Variants in ACAD11 observed in about 807,000 individuals in gnomAD.
The protein encoded by ACAD11 is acyl-Coenzyme A dehydrogenase family, member 11.
In ACAD11, 83 loss-of-function variants were observed where a neutral mutation model predicts 102.2. The ratio of observed to expected loss-of-function variants is 0.81; its 90% CI spans 0.68 to 0.97. The LOEUF (loss-of-function observed/expected upper bound fraction) is 0.97. Ranked by LOEUF, ACAD11 falls within the 50% of genes least tolerant of loss-of-function variation. ACAD11 has a pLI of 0.00. For synonymous variants in ACAD11, 324 were observed against 319.8 expected (o/e 1.01, Z -0.14); for missense variants, 901 against 951.7 (o/e 0.95, Z 0.70).
At chr3:132,574,953 G>A (rs540767189) in intron 17 of ACAD11, among the ~76,000 whole-genome samples, 2 of 152,210 alleles carry the variant, frequency 1.3e-5, no homozygotes, top group East Asian at 3.9e-4. Flanking sequence ...TCCTGCCTCA[G>A]CCTCCCCAGT....
chr3:132,611,726 G>A (rs2107837447), intron 11 of ACAD11, among the ~76,000 whole-genome samples: 1 of 152,038 alleles, frequency 6.6e-6, no homozygotes, highest in East Asian at 1.9e-4. Flanking sequence ...AATAAAAGAG[G>A]ATACAAAGAA....
chr3:132,601,051 G>A, intron 13 of ACAD11: 1 of 1,613,956 alleles, frequency 6.2e-7, no homozygotes, highest in Non-Finnish European at 8.5e-7. Flanking sequence ...TTATGGGGGT[G>A]TGCTACTTTA....
chr3:132,639,245 C>T (rs903837107), intron 5 of ACAD11, among the ~76,000 whole-genome samples: 1 of 152,054 alleles, frequency 6.6e-6, no homozygotes, highest in Non-Finnish European at 1.5e-5. Flanking sequence ...TGTAAAATTC[C>T]CAAATCCTTT....
rs200371230 is a variant in ACAD11, at chr3:132,658,716, TTTA to T, written c.149+884_149+886del. 9.5e-3 allele frequency among the ~76,000 whole-genome samples: 1,444 copies of T among 152,326 alleles called. 23 individuals are homozygous for T. Among genetic ancestry groups the T allele is most frequent in the African/African-American group, 0.033 (1,361 of 41,560 alleles). ...CTAAAATGTTCCCTGATCCATCTCA[TTTA>T]TTATTATTTTCATTTTCACCAAAAT... On this transcript the variant is annotated intron_variant, in intron 1 of 19. Coordinates refer to ENST00000264990, the MANE Select transcript of ACAD11 (RefSeq NM_032169.5).
rs371085640 is a variant in ACAD11 at position 132,597,366 on chromosome 3, T to C, written c.1621+5863A>G. Reference sequence around the variant, plus strand: ...TTTCTTATTCTGACTTGAATATTTTTTTAAGCCCAAAGATCTTGTATATTT... The same window carrying C: ...TTTCTTATTCTGACTTGAATATTTTCTTAAGCCCAAAGATCTTGTATATTT... On this transcript the variant is annotated intron_variant, in intron 13 of 19. Coordinates refer to ENST00000264990, the MANE Select transcript of ACAD11 (RefSeq NM_032169.5). 3.3e-5 allele frequency: 5 copies of C among 152,236 alleles called. No individual in the cohort carries two copies. In the East Asian group the frequency reaches 5.8e-4, roughly 18 times the overall value. The allele number at this position is 152,236 out of a possible 1,614,324, so 9.4% of individuals were successfully genotyped here. A position where few individuals can be genotyped will look rare whatever the true frequency, so the allele number is the denominator to read the frequency against.
At chr3:132,576,797 T>C in intron 16 of ACAD11, 147 bp downstream of exon 16, 1 of 635,440 alleles carries the variant, frequency 1.6e-6, no homozygotes, top group Non-Finnish European at 2.7e-6. Flanking sequence ...GTAATTGCAG[T>C]TCAAAAACCG....
intron 13 of ACAD11, among the ~76,000 whole-genome samples, chr3:132,587,925 G>A (rs928066773): frequency 6.6e-6 from 1 of 152,120 alleles, no homozygotes; most frequent in African/African-American, 2.4e-5. Flanking sequence ...GAAAGCTGGA[G>A]CTCCCCTTTT....
intron 14 of ACAD11, chr3:132,579,108 C>T: frequency 1.4e-6 from 2 of 1,427,398 alleles, no homozygotes; most frequent in South Asian, 2.5e-5. Flanking sequence ...ATTGAAGCTT[C>T]TCACTGCTCA....
chr3:132,613,936 C>T (rs893782074), intron 11 of ACAD11, among the ~76,000 whole-genome samples: 13 of 151,950 alleles, frequency 8.6e-5, no homozygotes, highest in African/African-American at 3.1e-4. Flanking sequence ...ATCATCTCAG[C>T]CCAAAATCTC....
rs1406708714 is a variant in ACAD11 at position 132,575,874 on chromosome 3, G to A, written c.1899C>T (p.Ile633=). The part of the protein sequence containing the change: ...ISQGRLGPGR[I]HHCMRTVGLA... Reference sequence around the variant, plus strand: ...AACCTACTGTTCTCATACAGTGGTGGATTCTGCCAGGTCCAAGGCGGCCTT... The same window carrying A: ...AACCTACTGTTCTCATACAGTGGTGAATTCTGCCAGGTCCAAGGCGGCCTT... The change falls in exon 17 of 20, where the codon ATC becomes ATT. Residue 633 remains isoleucine (I), a synonymous_variant. Transcript: ENST00000264990. 1 of 1,614,076 alleles carries A rather than the reference G, an allele frequency of 6.2e-7. No individual in the cohort carries two copies. The highest frequency in any genetic ancestry group is 1.7e-5 in the Admixed American group (1 of 60,018).
At chr3:132,607,500 C>G (rs1938900597) in intron 11 of ACAD11, among the ~76,000 whole-genome samples, 1 of 152,046 alleles carries the variant, frequency 6.6e-6, no homozygotes. Context: ...ATAGCTGAAT[C>G]AATCAAGTGA....
intron 1 of ACAD11, among the ~76,000 whole-genome samples, chr3:132,651,163 T>C (rs758263034): frequency 4.6e-5 from 7 of 152,174 alleles, no homozygotes; most frequent in East Asian, 3.9e-4. Flanking sequence ...CTGAAACTCA[T>C]TGCTACTTCC....
rs111519741 is a variant in ACAD11 at position 132,619,295 on chromosome 3, AC to A, written c.1275+172del. Among the ~76,000 whole-genome samples the A allele has an allele frequency of 6.9e-4, 105 of 152,264 alleles. 1 individual carries two copies. Among genetic ancestry groups the A allele is most frequent in the African/African-American group, 2.0e-3 (82 of 41,556 alleles). ...TCTTCATTACTACCATATATAGAAC[AC>A]TACCTAGCCTAATTTGTATGTTATA... On this transcript the variant is annotated intron_variant, in intron 10 of 19. Coordinates refer to ENST00000264990, the MANE Select transcript of ACAD11 (RefSeq NM_032169.5).
rs370802390 is a variant in ACAD11, at chr3:132,559,838, A to C, written c.2223T>G (p.Ala741=). The change falls in exon 19 of 20, where the codon GCT becomes GCG. Residue 741 remains alanine, a synonymous_variant. Transcript: ENST00000264990. Reference sequence around the variant, plus strand: ...CTTAAATGACATCTACTCACATGTTAGCCAGAGGGTAATCCTGGGAAACAC... The same window carrying C: ...CTTAAATGACATCTACTCACATGTTCGCCAGAGGGTAATCCTGGGAAACAC... ...GAGVSQDYPL[A]NMYAITRVLR... 5.0e-6 allele frequency: 8 copies of C among 1,612,246 alleles called. No homozygotes were observed. Among genetic ancestry groups the C allele is most frequent in the Non-Finnish European group, 5.9e-6 (7 of 1,178,848 alleles).
intron 17 of ACAD11, among the ~76,000 whole-genome samples, chr3:132,572,259 C>G (rs1486396093): frequency 6.6e-6 from 1 of 151,074 alleles, no homozygotes; most frequent in Non-Finnish European, 1.5e-5. Flanking sequence ...TAGCACTCCC[C>G]GAGAGCCAAA....
intron 11 of ACAD11, among the ~76,000 whole-genome samples, chr3:132,614,105 C>A (rs994456397): frequency 3.3e-5 from 5 of 149,638 alleles, no homozygotes; most frequent in Non-Finnish European, 7.4e-5. Context: ...ACCTAAGAAT[C>A]CAACTTATAA....
chr3:132,614,158 T>A (rs1459078187), intron 11 of ACAD11, among the ~76,000 whole-genome samples: 1 of 152,008 alleles, frequency 6.6e-6, no homozygotes, highest in Non-Finnish European at 1.5e-5. Flanking sequence ...AAACCACTGC[T>A]CAAGGAAATA....
At chr3:132,576,769 A>G (rs1937529979) in intron 16 of ACAD11, among the ~76,000 whole-genome samples, 175 bp downstream of exon 16, 1 of 152,208 alleles carries the variant, frequency 6.6e-6, no homozygotes, top group Non-Finnish European at 1.5e-5. Context: ...CAAAAACTGC[A>G]ATTACCTTGG....
intron 9 of ACAD11, among the ~76,000 whole-genome samples, chr3:132,621,646 G>C (rs143690406): frequency 2.3e-3 from 354 of 152,190 alleles, no homozygotes; most frequent in Non-Finnish European, 3.8e-3. Context: ...TTGCAAGAAG[G>C]AATAGTAAAT....
Sources: allele counts gnomAD v4.1 joint callset (sites outside exome capture counted in the v4.1 genomes callset), GRCh38; gene constraint gnomAD v4.1.1; transcripts MANE v1.5; gene names NCBI Gene and HGNC (gene_info 2026-07-23, HGNC 2026-07-21).